Variants in FARP1 observed in about 807,000 individuals in gnomAD.
FARP1 encodes FERM, ARHGEF and pleckstrin domain-containing protein 1.
FARP1 carries 52 observed loss-of-function variants against 128.8 expected under a neutral mutation model. The ratio of observed to expected loss-of-function variants is 0.40; its 90% CI spans 0.32 to 0.51. The LOEUF is 0.51. Ranked by LOEUF, FARP1 falls within the 20% of genes least tolerant of loss-of-function variation. The probability of loss-of-function intolerance (pLI) is 0.45; values close to 1 mark genes in which losing one functional copy is unlikely to be tolerated. For missense variants in FARP1, 1,333 were observed against 1,367.9 expected, an observed-to-expected ratio of 0.97 and a Z score of 0.40; for synonymous variants, 580 against 551.8, an observed-to-expected ratio of 1.05 and a Z score of -0.72.
At chr13:98,376,396 T>C (rs1459947045) in intron 5 of FARP1, among the ~76,000 whole-genome samples, 2 of 152,212 alleles carry the variant, frequency 1.3e-5, no homozygotes, top group South Asian at 2.1e-4. Flanking sequence ...GTGCCTGGCT[T>C]ATTTCACTTA....
At chr13:98,343,684 G>T (rs867985732) in intron 2 of FARP1, 78 bp from the exon 3 acceptor site, 2 of 1,013,586 alleles carry the variant, frequency 2.0e-6, no homozygotes, top group Middle Eastern at 5.6e-4. Context: ...GAATCCAGAG[G>T]TTTCCTGCAG....
intron 1 of FARP1, among the ~76,000 whole-genome samples, chr13:98,207,101 G>A (rs1311106239): frequency 6.6e-6 from 1 of 152,156 alleles, no homozygotes; most frequent in Non-Finnish European, 1.5e-5. Flanking sequence ...TGTTCCCTTA[G>A]CGTTCTTAGG....
At chr13:98,195,770 C>G (rs775128867) in intron 1 of FARP1, among the ~76,000 whole-genome samples, 2 of 152,134 alleles carry the variant, frequency 1.3e-5, no homozygotes, top group Admixed American at 6.5e-5. Context: ...CTCACACTTG[C>G]AATCCCAGCA....
chr13:98,244,538 G>T, intron 2 of FARP1: 2 of 1,614,138 alleles, frequency 1.2e-6, no homozygotes, highest in Non-Finnish European at 1.7e-6. Context: ...CCTCCTGGAC[G>T]GGTTGGGTAC....
intron 1 of FARP1, among the ~76,000 whole-genome samples, chr13:98,207,867 A>G (rs1048261665): frequency 6.8e-5 from 10 of 146,962 alleles, no homozygotes; most frequent in African/African-American, 2.5e-4. Context: ...TTTGGACACA[A>G]CTGACTTCAT....
intron 19 of FARP1, 37 bp from the exon 20 acceptor site, chr13:98,438,767 C>T (rs371893371): frequency 3.0e-5 from 47 of 1,590,490 alleles, no homozygotes; most frequent in African/African-American, 6.7e-5. Flanking sequence ...GGGGTCCGCA[C>T]GCTCGCAGCC....
chr13:98,382,163 C>T (rs1889909928), intron 6 of FARP1: 1 of 152,158 alleles, frequency 6.6e-6, no homozygotes, highest in Non-Finnish European at 1.5e-5. Context: ...GAAGTCAAGG[C>T]TGCAGTGAGC....
intron 13 of FARP1, chr13:98,404,026 C>CACCACTACCACT (rs3837540): frequency 6.5e-6 from 1 of 154,946 alleles, no homozygotes; most frequent in Middle Eastern, 3.3e-3. Flanking sequence ...CCATCACCAC[C>CACCACTACCACT]ACCACTGCTA....
intron 2 of FARP1, among the ~76,000 whole-genome samples, chr13:98,239,371 C>T (rs781131278): frequency 1.3e-5 from 2 of 152,210 alleles, no homozygotes; most frequent in South Asian, 4.1e-4. Context: ...CCCTTTATTG[C>T]GTGCTTGCAA....
At chr13:98,422,154 G>A (rs1271460040) in intron 16 of FARP1, among the ~76,000 whole-genome samples, 1 of 152,228 alleles carries the variant, frequency 6.6e-6, no homozygotes, top group Non-Finnish European at 1.5e-5. Flanking sequence ...GTGGCCACGA[G>A]AATTGAAGGG....
chr13:98,176,572 A>T lies in FARP1; in HGVS notation c.-24+33080A>T. 2 of 1,614,102 alleles carry T rather than the reference A, an allele frequency of 1.2e-6. No homozygotes were observed. The highest frequency in any genetic ancestry group is 2.2e-5 in the South Asian group (2 of 91,076). ...AAGCTCCCGTTCAATCTCCCACCCG[A>T]GCTTGTAATCGGAACGGTCGTGGAG... On this transcript the variant is annotated intron_variant, in intron 1 of 26. Transcript: ENST00000319562. This position sits in a 1 kb window ranked among gnomAD's most constrained non-coding sequence, Gnocchi z 6.2.
At chr13:98,252,825 G>T (rs1883410003) in intron 2 of FARP1, among the ~76,000 whole-genome samples, 1 of 152,206 alleles carries the variant, frequency 6.6e-6, no homozygotes, top group Non-Finnish European at 1.5e-5. Flanking sequence ...CAGCGACCCA[G>T]TGAGCCCCGG....
At chr13:98,169,631 A>G (rs1877512853) in intron 1 of FARP1, among the ~76,000 whole-genome samples, 1 of 152,216 alleles carries the variant, frequency 6.6e-6, no homozygotes, top group Non-Finnish European at 1.5e-5. Context: ...CTACATACAG[A>G]GTTAAAAATG....
chr13:98,364,988 A>G (rs1453013307), intron 3 of FARP1, among the ~76,000 whole-genome samples: 1 of 152,228 alleles, frequency 6.6e-6, no homozygotes, highest in Non-Finnish European at 1.5e-5. Flanking sequence ...CGCATCCCTC[A>G]AAGATGTGCT....
intron 6 of FARP1, chr13:98,381,757 G>A (rs1889895002): frequency 6.6e-6 from 1 of 152,176 alleles, no homozygotes; most frequent in African/African-American, 2.4e-5. Context: ...CAGGATTTTG[G>A]TTTGCTGCTG....
chr13:98,221,026 G>T (rs1201135884), intron 2 of FARP1, among the ~76,000 whole-genome samples: 1 of 152,164 alleles, frequency 6.6e-6, no homozygotes, highest in Non-Finnish European at 1.5e-5. Flanking sequence ...AAACGGAGGG[G>T]TTAAAGGGGA....
At chr13:98,402,062 A>G (rs1421588104) in intron 13 of FARP1, 5 of 152,232 alleles carry the variant, frequency 3.3e-5, no homozygotes, top group African/African-American at 9.6e-5. Flanking sequence ...TTAAAAATCA[A>G]CTTGCCACGG....
At position 98,440,745 on chromosome 13, in the gene FARP1, G is replaced by A. The variant is rs761715043; in HGVS notation, c.2705G>A (p.Arg902His). The A allele has an allele frequency of 1.1e-5, 18 of 1,613,242 alleles. No homozygotes were observed. The highest frequency in any genetic ancestry group is 9.9e-5 in the South Asian group (9 of 91,082). ...DLSASRTSLE[R>H]QAPHRGNTMV... ...AGCGCCTCGCGCACATCGCTGGAGC[G>A]CCAGGCCCCGCACCGCGGCAACACA... The change falls in exon 24 of 27, where the codon CGC (arginine) becomes CAC (histidine). Residue 902 changes from arginine to histidine, a missense_variant. Around this residue, in one of 2 missense-constraint regions of FARP1, gnomAD observed 1,009 missense variants for 969.8 expected, o/e 1.04. Coordinates refer to ENST00000319562, the MANE Select transcript of FARP1 (RefSeq NM_005766.4).
chr13:98,430,282 C>A (rs1891960735), intron 17 of FARP1, among the ~76,000 whole-genome samples: 1 of 152,132 alleles, frequency 6.6e-6, no homozygotes, highest in Non-Finnish European at 1.5e-5. Flanking sequence ...TGGGAGTTAC[C>A]AGCACATAGA....
Sources: gnomAD v4.1 joint callset for allele counts (sites outside exome capture counted in the v4.1 genomes callset) on GRCh38, gnomAD v4.1.1 for gene constraint, gnomAD v4.1.1 regional missense constraint, Gnocchi (gnomAD v3.1) non-coding constraint, MANE v1.5 for transcripts, NCBI Gene and HGNC (gene_info 2026-07-23, HGNC 2026-07-21) for gene names.